The following ARAP1 variants were observed in gnomAD, a reference collection of about 807,000 sequenced individuals.
ARAP1 encodes arf-GAP with Rho-GAP domain, ANK repeat and PH domain-containing protein 1.
A neutral mutation model predicts 172.2 loss-of-function variants in ARAP1; 76 were observed. The ratio of observed to expected loss-of-function variants is 0.44; its 90% CI spans 0.37 to 0.53. The LOEUF is 0.53. Ranked by LOEUF, ARAP1 falls within the 20% of genes least tolerant of loss-of-function variation. The pLI, the probability that ARAP1 is intolerant of heterozygous loss-of-function variation, is 0.00. For synonymous variants in ARAP1, 804 were observed against 803.3 expected, an observed-to-expected ratio of 1.00 and a Z score of -0.01; for missense variants, 1,686 against 1,977.5, an observed-to-expected ratio of 0.85 and a Z score of 2.80.
At chr11:72,730,150 G>A (rs1337636039) in intron 2 of ARAP1, among the ~76,000 whole-genome samples, 2 of 152,092 alleles carry the variant, frequency 1.3e-5, no homozygotes, top group Non-Finnish European at 2.9e-5. Flanking sequence ...TGAAAAGCAT[G>A]CAGAAATAAG....
chr11:72,733,421 G>T (rs987570584), intron 1 of ARAP1, among the ~76,000 whole-genome samples: 4 of 152,210 alleles, frequency 2.6e-5, no homozygotes, highest in African/African-American at 7.2e-5. Context: ...GGCACAAGTA[G>T]GGTAACTGAG....
At chr11:72,711,591 A>C in intron 7 of ARAP1, 92 bp from the exon 8 acceptor site, 1 of 1,049,928 alleles carries the variant, frequency 9.5e-7, no homozygotes, top group East Asian at 2.4e-5. Context: ...ACTCAGAGTG[A>C]GGATCAGCCA....
At chr11:72,737,221 C>T (rs1858057938) in intron 1 of ARAP1, among the ~76,000 whole-genome samples, 1 of 152,176 alleles carries the variant, frequency 6.6e-6, no homozygotes, top group South Asian at 2.1e-4. Context: ...CTCTGCTGTC[C>T]ACAGTGGTGC....
At chr11:72,737,875 T>C (rs1329729217) in intron 1 of ARAP1, among the ~76,000 whole-genome samples, 1 of 152,194 alleles carries the variant, frequency 6.6e-6, no homozygotes, top group African/African-American at 2.4e-5. Context: ...CTTCCCCTCT[T>C]GGCCTCCCAA....
chr11:72,701,961 C>T (rs372382381), intron 15 of ARAP1, among the ~76,000 whole-genome samples, 178 bp from the exon 16 acceptor site: 14 of 152,174 alleles, frequency 9.2e-5, no homozygotes, highest in African/African-American at 3.4e-4. Context: ...TGTTTCTCCA[C>T]CTCTCCCCAC....
chr11:72,700,775 G>A (rs992262099), intron 16 of ARAP1, among the ~76,000 whole-genome samples: 3 of 152,226 alleles, frequency 2.0e-5, no homozygotes, highest in East Asian at 3.8e-4. Context: ...AGGCCAAGGC[G>A]GGCAGATCAC....
At chr11:72,714,406 G>T in intron 3 of ARAP1, 85 bp from the exon 4 acceptor site, 2 of 1,355,988 alleles carry the variant, frequency 1.5e-6, no homozygotes, top group Non-Finnish European at 2.0e-6. Context: ...CTGAACTGCA[G>T]CAAAACTCAG....
Position 72,697,372 on chromosome 11 carries a change from C to A in ARAP1, c.2904G>T (p.Ser968=). 1.2e-6 allele frequency: 2 copies of A among 1,606,732 alleles called. No homozygotes were observed. Among genetic ancestry groups the A allele is most frequent in the Admixed American group, 1.7e-5 (1 of 58,748 alleles). The part of the protein sequence containing the change: ...DTLSEQQLGD[S]DIPVIVYRCV... The stretch of plus-strand genomic sequence containing the variant: ...AGCGGTACACGATCACCGGGATATC[C>A]GAGTCCCCAAGCTGCTGCTCCGACA... The change falls in exon 21 of 35, where the codon TCG becomes TCT. Residue 968 remains serine, a synonymous_variant. Coordinates refer to ENST00000393609, the MANE Select transcript of ARAP1 (RefSeq NM_001040118.3).
In ARAP1 at chr11:72,696,634, TCTC is replaced by T; in HGVS notation, c.3184_3186del (p.Glu1062del). 1.2e-6 allele frequency: 2 copies of T among 1,601,988 alleles called. No individual in the cohort carries two copies. Among genetic ancestry groups the T allele is most frequent in the African/African-American group, 1.3e-5 (1 of 74,436 alleles). ...AGCAGCTCTCGGTACCTGGAGACCT[TCTC>T]CTCCTCGTCCTCAATCTCTGGGTGG... On this transcript the variant is annotated inframe_deletion, in exon 23 of 35. Transcript: ENST00000393609.
At position 72,727,157 on chromosome 11, in the gene ARAP1, A is replaced by T; in HGVS notation, c.-29T>A. On this transcript the variant is annotated 5_prime_UTR_variant, in exon 3 of 35. Coordinates refer to ENST00000393609, the MANE Select transcript of ARAP1 (RefSeq NM_001040118.3). The stretch of plus-strand genomic sequence containing the variant: ...TCCTGCCAGCGGAGGCCTGACTGGC[A>T]GGGCTTTGTCCAGAGCTAGAATAGA... 6.5e-7 allele frequency: 1 copy of T among 1,548,692 alleles called. No homozygotes were observed. Among genetic ancestry groups the T allele is most frequent in the South Asian group, 1.2e-5 (1 of 82,876 alleles).
rs2135478492 is a variant in ARAP1 at position 72,685,345 on chromosome 11, T to C, written c.*319A>G. 2.4e-6 allele frequency: 1 copy of C among 409,914 alleles called. No individual in the cohort carries two copies. Among genetic ancestry groups the C allele is most frequent in the South Asian group, 3.0e-5 (1 of 32,882 alleles). The allele number at this position is 409,914 out of a possible 1,614,324, so 25.4% of individuals were successfully genotyped here. ...CCAGGGCCTCACGCCTCTGAAAGGG[T>C]GGTGGTCCTCCCAAGTTCCTGACTT... is the stretch of plus-strand genomic sequence containing the variant. On this transcript the variant is annotated 3_prime_UTR_variant, in exon 35 of 35. Transcript: ENST00000393609.
intron 1 of ARAP1, among the ~76,000 whole-genome samples, chr11:72,743,853 C>A (rs1483225268): frequency 6.6e-6 from 1 of 151,952 alleles, no homozygotes; most frequent in Non-Finnish European, 1.5e-5. Context: ...CAACCCCCAG[C>A]CCTCAGGCAG....
In ARAP1 at chr11:72,685,507, G is replaced by C. The variant is rs1855632590; in HGVS notation, c.*157C>G. 7 of 1,064,730 alleles carry C rather than the reference G, an allele frequency of 6.6e-6. No homozygotes were observed. The South Asian group carries it at 9.9e-5, about 15-fold the overall frequency. The allele number at this position is 1,064,730 out of a possible 1,614,324, so 66.0% of individuals were successfully genotyped here. On this transcript the variant is annotated 3_prime_UTR_variant, in exon 35 of 35. Coordinates refer to ENST00000393609, the MANE Select transcript of ARAP1 (RefSeq NM_001040118.3). ...CCCTGCTGCCTCCCACCCCTGCCGGGGAACCCCATGCTGCAGTCAGGATGG... is the reference window on the plus strand; with the variant it reads ...CCCTGCTGCCTCCCACCCCTGCCGGCGAACCCCATGCTGCAGTCAGGATGG...
rs777848698 is a variant in ARAP1, at chr11:72,711,146, G to A, written c.1093-5C>T. 6.2e-7 allele frequency: 1 copy of A among 1,614,084 alleles called. No homozygotes were observed. Among genetic ancestry groups the A allele is most frequent in the Admixed American group, 1.7e-5 (1 of 60,016 alleles). On this transcript the variant is annotated splice_polypyrimidine_tract_variant and splice_region_variant and intron_variant, in intron 8 of 34. Transcript: ENST00000393609. Reference sequence around the variant, plus strand: ...AAAGCGCTTAGAGTAAGCGTCCTGGGGGAGAGACAGGAACTATATTTTGGG... The same window carrying A: ...AAAGCGCTTAGAGTAAGCGTCCTGGAGGAGAGACAGGAACTATATTTTGGG...
chr11:72,686,223 G>C, intron 33 of ARAP1, 32 bp from the exon 34 acceptor site: 1 of 1,596,556 alleles, frequency 6.3e-7, no homozygotes, highest in East Asian at 2.2e-5. Context: ...GCTGGGCTCA[G>C]CTTCAGTTCA....
chr11:72,727,291 C>T (rs1857721944), intron 2 of ARAP1, 119 bp from the exon 3 acceptor site: 1 of 892,732 alleles, frequency 1.1e-6, no homozygotes, highest in South Asian at 1.8e-5. Context: ...AGCTTCCTCC[C>T]CTGTGCTCCA....
At chr11:72,716,254 T>C (rs1229157603) in intron 3 of ARAP1, among the ~76,000 whole-genome samples, 2 of 151,140 alleles carry the variant, frequency 1.3e-5, no homozygotes, top group Non-Finnish European at 3.0e-5. Context: ...TGTGCCAAGA[T>C]CTGAACCCTG....
At chr11:72,736,680 T>G (rs1298404889) in intron 1 of ARAP1, among the ~76,000 whole-genome samples, 1 of 151,916 alleles carries the variant, frequency 6.6e-6, no homozygotes, top group Non-Finnish European at 1.5e-5. Context: ...TGCCTCTCCT[T>G]CTCTCTCATG....
At position 72,725,737 on chromosome 11, in the gene ARAP1, G is replaced by A. The variant is rs1278137007; in HGVS notation, c.509+883C>T. On this transcript the variant is annotated intron_variant, in intron 3 of 34. Transcript: ENST00000393609. The surrounding 1 kb of genome is among the most constrained non-coding windows in gnomAD (Gnocchi z 4.3). Reference sequence around the variant, plus strand: ...ACACAAATCTCCCAGAAGGTCTGCTGCAGGGATCATGGAGACCATAGAAAC... The same window carrying A: ...ACACAAATCTCCCAGAAGGTCTGCTACAGGGATCATGGAGACCATAGAAAC... Among the ~76,000 whole-genome samples the A allele has an allele frequency of 6.6e-6, 1 of 152,164 alleles. No individual in the cohort carries two copies. Among genetic ancestry groups the A allele is most frequent in the Non-Finnish European group, 1.5e-5 (1 of 68,032 alleles).
Sources: gnomAD v4.1 joint callset for allele counts (sites outside exome capture counted in the v4.1 genomes callset) on GRCh38, gnomAD v4.1.1 for gene constraint, Gnocchi (gnomAD v3.1) non-coding constraint, MANE v1.5 for transcripts, NCBI Gene and HGNC (gene_info 2026-07-23, HGNC 2026-07-21) for gene names.